The following RXFP1 variants were observed in gnomAD, a reference collection of about 807,000 sequenced individuals.
The protein encoded by RXFP1 is relaxin family peptide receptor 1, also known as relaxin receptor 1.
Under a neutral mutation model 89.8 loss-of-function variants are expected in RXFP1, and 73 were observed. The ratio of observed to expected loss-of-function variants is 0.81; its 90% CI spans 0.67 to 0.99. The LOEUF is 0.99. Ranked by LOEUF, RXFP1 falls within the 50% of genes least tolerant of loss-of-function variation. The probability of loss-of-function intolerance (pLI) is 0.00; values close to 1 mark genes in which losing one functional copy is unlikely to be tolerated. For synonymous variants in RXFP1, 277 were observed against 305.5 expected, an observed-to-expected ratio of 0.91 and a Z score of 0.97; for missense variants, 793 against 895.5, an observed-to-expected ratio of 0.89 and a Z score of 1.46.
intron 1 of RXFP1, among the ~76,000 whole-genome samples, chr4:158,532,500 C>T (rs1053362988): frequency 5.9e-5 from 9 of 152,134 alleles, no homozygotes; most frequent in African/African-American, 1.9e-4. Context: ...TTCTGACCAA[C>T]AGCATGTGAT....
chr4:158,646,538 G>T, intron 15 of RXFP1: 1 of 1,302,988 alleles, frequency 7.7e-7, no homozygotes, highest in South Asian at 1.7e-5. Context: ...TGCTGTTAGA[G>T]ACTTGCACTT....
At chr4:158,605,675 A>G (rs565835805) in intron 5 of RXFP1, among the ~76,000 whole-genome samples, 5 of 152,150 alleles carry the variant, frequency 3.3e-5, no homozygotes, top group Non-Finnish European at 7.4e-5. Context: ...GTAGTATCTG[A>G]CATGCTAGCT....
intron 2 of RXFP1, among the ~76,000 whole-genome samples, chr4:158,583,060 A>G (rs2150034756): frequency 6.6e-6 from 1 of 152,364 alleles, no homozygotes; most frequent in Non-Finnish European, 1.5e-5. Flanking sequence ...GAAAAGGAGC[A>G]GAAAGTGCAA....
intron 11 of RXFP1, among the ~76,000 whole-genome samples, 195 bp from the exon 12 acceptor site, chr4:158,633,210 G>C (rs1010628414): frequency 6.6e-6 from 1 of 151,762 alleles, no homozygotes; most frequent in Non-Finnish European, 1.5e-5. Context: ...TTGTCTTCCA[G>C]GGGATGATGA....
intron 2 of RXFP1, among the ~76,000 whole-genome samples, chr4:158,579,845 G>C (rs1756976291): frequency 6.6e-6 from 1 of 152,136 alleles, no homozygotes; most frequent in Non-Finnish European, 1.5e-5. Context: ...TTGCAGTTCT[G>C]GGTTGTGCTA....
At chr4:158,646,708 T>C in intron 15 of RXFP1, 83 bp from the exon 16 acceptor site, 1 of 1,482,664 alleles carries the variant, frequency 6.7e-7, no homozygotes, top group Non-Finnish European at 9.0e-7. Context: ...CTATTTTTTC[T>C]AGCATTAAAA....
chr4:158,584,719 G>T (rs545249901), intron 2 of RXFP1, among the ~76,000 whole-genome samples: 28 of 152,252 alleles, frequency 1.8e-4, no homozygotes, highest in African/African-American at 5.1e-4. Flanking sequence ...CACCTGGGGG[G>T]CTGTGAAAGA....
intron 1 of RXFP1, among the ~76,000 whole-genome samples, chr4:158,527,552 C>CAA (rs759769435): frequency 1.7e-3 from 179 of 104,096 alleles, no homozygotes; most frequent in African/African-American, 5.5e-3. Flanking sequence ...TCCCCCGCTC[C>CAA]AAAAAAAAAA....
At chr4:158,578,121 T>C (rs958967645) in intron 2 of RXFP1, among the ~76,000 whole-genome samples, 5 of 152,200 alleles carry the variant, frequency 3.3e-5, no homozygotes, top group Non-Finnish European at 7.3e-5. Flanking sequence ...AAAAACTGAT[T>C]ACACTATTTT....
At chr4:158,648,058 C>T (rs1440075997) in intron 16 of RXFP1, among the ~76,000 whole-genome samples, 1 of 151,922 alleles carries the variant, frequency 6.6e-6, no homozygotes, top group Non-Finnish European at 1.5e-5. Flanking sequence ...CACCTGTACT[C>T]CCAGCTACTT....
chr4:158,622,992 A>G lies in RXFP1; in HGVS notation c.756-3828A>G, dbSNP rs540928208. Among the ~76,000 whole-genome samples, 5 of 152,306 alleles carry G rather than the reference A, an allele frequency of 3.3e-5. No individual in the cohort carries two copies. The East Asian group carries it at 9.6e-4, about 29-fold the overall frequency. On this transcript the variant is annotated intron_variant, in intron 9 of 17. Coordinates refer to ENST00000307765, the MANE Select transcript of RXFP1 (RefSeq NM_021634.4). ...TATACACAGTTTTTAAAAGTATGTC[A>G]TGTAATTGCAAACAAAAGAAAGCAG...
chr4:158,603,126 T>TG lies in RXFP1; in HGVS notation c.393-1935dup, dbSNP rs562021541. Among the ~76,000 whole-genome samples, 1,437 of 151,904 alleles carry TG rather than the reference T, an allele frequency of 9.5e-3. 11 individuals are homozygous for TG. Among genetic ancestry groups the TG allele is most frequent in the Non-Finnish European group, 0.016 (1,079 of 67,906 alleles). ...TTTTAATTGTTTGTAGAGATGGCGGTGGGGGGGCAGTCTCACTATGTTGCC... is the reference window on the plus strand; with the variant it reads ...TTTTAATTGTTTGTAGAGATGGCGGTGGGGGGGGCAGTCTCACTATGTTGCC... On this transcript the variant is annotated intron_variant, in intron 4 of 17. Coordinates refer to ENST00000307765, the MANE Select transcript of RXFP1 (RefSeq NM_021634.4).
chr4:158,648,942 AT>A (rs369605368), intron 17 of RXFP1, among the ~76,000 whole-genome samples: 1,527 of 152,212 alleles, frequency 0.01, 26 homozygotes, highest in African/African-American at 0.034. Flanking sequence ...GGGAAACCCC[AT>A]CTCTGCTAAA....
chr4:158,558,796 A>G (rs1332486258), intron 1 of RXFP1, among the ~76,000 whole-genome samples: 1 of 152,216 alleles, frequency 6.6e-6, no homozygotes, highest in Non-Finnish European at 1.5e-5. Flanking sequence ...AGCTGTAGAC[A>G]TGAAAGAGTG....
At chr4:158,588,107 T>C (rs1443167995) in intron 2 of RXFP1, among the ~76,000 whole-genome samples, 1 of 152,082 alleles carries the variant, frequency 6.6e-6, no homozygotes, top group African/African-American at 2.4e-5. Flanking sequence ...CGGAGCCCAG[T>C]AGAACAGAAC....
intron 13 of RXFP1, among the ~76,000 whole-genome samples, chr4:158,638,811 C>CAAAAAAAAAAAAAAAAAAA (rs57989269): frequency 7.8e-6 from 1 of 128,096 alleles, no homozygotes; most frequent in Non-Finnish European, 1.6e-5. Flanking sequence ...GACCCTGTCT[C>CAAAAAAAAAAAAAAAAAAA]AAAAAAAAAA....
intron 1 of RXFP1, among the ~76,000 whole-genome samples, chr4:158,527,696 A>G (rs1742944537): frequency 1.3e-5 from 2 of 151,558 alleles, no homozygotes; most frequent in African/African-American, 2.4e-5. Context: ...GTAAATTGCT[A>G]TTACTTAGAC....
At chr4:158,531,259 C>T (rs1272744450) in intron 1 of RXFP1, among the ~76,000 whole-genome samples, 5 of 152,224 alleles carry the variant, frequency 3.3e-5, no homozygotes, top group South Asian at 2.1e-4. Flanking sequence ...TGGTCCTAAA[C>T]GCCTGGGCTC....
chr4:158,649,606 G>A (rs1039540580), intron 17 of RXFP1, among the ~76,000 whole-genome samples: 1 of 151,912 alleles, frequency 6.6e-6, no homozygotes. Context: ...GCAAGATCCT[G>A]TCTCAAAAAA....
Sources: allele counts gnomAD v4.1 joint callset (sites outside exome capture counted in the v4.1 genomes callset), GRCh38; gene constraint gnomAD v4.1.1; transcripts MANE v1.5; gene names NCBI Gene and HGNC (gene_info 2026-07-23, HGNC 2026-07-21).